SCAPER: variants seen among roughly 807,000 people sequenced by gnomAD.
SCAPER encodes S-phase cyclin A associated protein in the ER.
A neutral mutation model predicts 182.2 loss-of-function variants in SCAPER; 98 were observed. The observed-to-expected ratio is 0.54, with a 90% CI of 0.46 to 0.64. The LOEUF (loss-of-function observed/expected upper bound fraction) is 0.64. Among genes scored for constraint, SCAPER ranks in the 30% least tolerant of loss-of-function variants. The pLI, the probability that SCAPER is intolerant of heterozygous loss-of-function variation, is 0.00. For missense variants in SCAPER, 1,432 were observed against 1,690.0 expected (o/e 0.85, Z 2.68); for synonymous variants, 605 against 564.6 (o/e 1.07, Z -1.01).
At chr15:76,746,835 A>C (rs2061818617) in intron 15 of SCAPER, among the ~76,000 whole-genome samples, 1 of 152,248 alleles carries the variant, frequency 6.6e-6, no homozygotes, top group South Asian at 2.1e-4. Context: ...TGTATGTTAA[A>C]AACAAAACAA....
At chr15:76,775,425 A>C (rs2063691092) in intron 8 of SCAPER, among the ~76,000 whole-genome samples, 1 of 152,176 alleles carries the variant, frequency 6.6e-6, no homozygotes, top group Non-Finnish European at 1.5e-5. Flanking sequence ...TATATATTAT[A>C]TCTCTTTTAA....
At chr15:76,483,659 CA>C (rs1271417903) in intron 24 of SCAPER, among the ~76,000 whole-genome samples, 1 of 151,896 alleles carries the variant, frequency 6.6e-6, no homozygotes, top group Non-Finnish European at 1.5e-5. Context: ...AATACGAAGA[CA>C]AAAAATCTAG....
chr15:76,632,384 G>A (rs906119209), intron 21 of SCAPER, among the ~76,000 whole-genome samples: 3 of 151,824 alleles, frequency 2.0e-5, no homozygotes, highest in African/African-American at 7.3e-5. Flanking sequence ...TAGTAGAGAT[G>A]GGGTTTCACA....
intron 26 of SCAPER, among the ~76,000 whole-genome samples, chr15:76,418,986 C>A (rs1364698402): frequency 6.6e-6 from 1 of 152,192 alleles, no homozygotes; most frequent in Non-Finnish European, 1.5e-5. Flanking sequence ...GAGAGTCTGC[C>A]AGATAGTGTC....
intron 23 of SCAPER, among the ~76,000 whole-genome samples, chr15:76,557,675 C>A (rs770812528): frequency 1.3e-5 from 2 of 152,182 alleles, no homozygotes; most frequent in Non-Finnish European, 2.9e-5. Flanking sequence ...GAGCAGATGA[C>A]AGAATCATGC....
At chr15:76,816,444 C>T (rs1370268564) in intron 5 of SCAPER, among the ~76,000 whole-genome samples, 3 of 152,006 alleles carry the variant, frequency 2.0e-5, no homozygotes, top group Non-Finnish European at 4.4e-5. Flanking sequence ...GGATCTTCCA[C>T]CTCCACATAT....
intron 23 of SCAPER, among the ~76,000 whole-genome samples, chr15:76,513,572 C>T (rs1307748877): frequency 2.6e-5 from 4 of 152,156 alleles, no homozygotes; most frequent in Non-Finnish European, 2.9e-5. Flanking sequence ...ACTTAAAGAA[C>T]ACAGAAAGCT....
At chr15:76,554,788 C>CTT (rs71143339) in intron 23 of SCAPER, among the ~76,000 whole-genome samples, 43 of 71,156 alleles carry the variant, frequency 6.0e-4, no homozygotes, top group Middle Eastern at 0.013. Context: ...ATTCAGCATT[C>CTT]TTTTTTTTTT....
chr15:76,673,950 T>TACAC (rs1491530396), intron 20 of SCAPER, among the ~76,000 whole-genome samples: 41 of 77,064 alleles, frequency 5.3e-4, no homozygotes, highest in Middle Eastern at 6.1e-3. Flanking sequence ...ATAATTTATC[T>TACAC]ATACACACAC....
rs541092567 is a variant in SCAPER at position 76,781,185 on chromosome 15, A to C, written c.773-6068T>G. ...CTAACTAGAATGAACAGTGGAGAGA[A>C]GACTTTAAATGACCTGATAGAACTG... On this transcript the variant is annotated intron_variant, in intron 8 of 31. Coordinates refer to ENST00000563290, the MANE Select transcript of SCAPER (RefSeq NM_020843.4). Among the ~76,000 whole-genome samples, 533 of 152,336 alleles carry C rather than the reference A, an allele frequency of 3.5e-3. 3 individuals carry two copies. Among genetic ancestry groups the C allele is most frequent in the African/African-American group, 0.012 (517 of 41,578 alleles).
chr15:76,385,068 C>T (rs2043210056), intron 27 of SCAPER: 1 of 152,164 alleles, frequency 6.6e-6, no homozygotes, highest in African/African-American at 2.4e-5. Context: ...GACTAGAGAT[C>T]TTAGTGAGAT....
chr15:76,786,326 CAA>C (rs35708368), intron 8 of SCAPER, among the ~76,000 whole-genome samples: 7 of 110,996 alleles, frequency 6.3e-5, no homozygotes, highest in African/African-American at 3.6e-5. Flanking sequence ...GACTCTGTCT[CAA>C]AAAAAAAAAA....
chr15:76,480,190 G>C (rs1006660371), intron 24 of SCAPER, among the ~76,000 whole-genome samples: 1 of 152,180 alleles, frequency 6.6e-6, no homozygotes, highest in South Asian at 2.1e-4. Flanking sequence ...GTTAACACCA[G>C]AGCCCCAATG....
intron 21 of SCAPER, among the ~76,000 whole-genome samples, chr15:76,663,464 T>A (rs2056346912): frequency 6.6e-6 from 1 of 152,076 alleles, no homozygotes; most frequent in African/African-American, 2.4e-5. Context: ...ATGTCCCAGA[T>A]TGGAAACCTA....
chr15:76,417,372 T>C (rs74948323), intron 26 of SCAPER, among the ~76,000 whole-genome samples: 3 of 152,372 alleles, frequency 2.0e-5, no homozygotes, highest in South Asian at 2.1e-4. Flanking sequence ...GCAAGACAGC[T>C]TGAACACCTG....
intron 14 of SCAPER, among the ~76,000 whole-genome samples, chr15:76,763,302 G>T (rs2062907179): frequency 7.0e-6 from 1 of 142,276 alleles, no homozygotes; most frequent in African/African-American, 2.6e-5. Flanking sequence ...TTATCTCCTA[G>T]CCTGGAAGAT....
chr15:76,610,178 C>A (rs2050851856), intron 22 of SCAPER, among the ~76,000 whole-genome samples: 1 of 152,176 alleles, frequency 6.6e-6, no homozygotes, highest in Admixed American at 6.5e-5. Context: ...CCACTCCCAG[C>A]TTTCAACATC....
At chr15:76,676,293 A>C (rs561625200) in intron 20 of SCAPER, among the ~76,000 whole-genome samples, 1 of 152,302 alleles carries the variant, frequency 6.6e-6, no homozygotes, top group East Asian at 1.9e-4. Context: ...CTGGGATCAG[A>C]AAAACACAGA....
chr15:76,379,041 A>C (rs1170267383), intron 28 of SCAPER, among the ~76,000 whole-genome samples: 1 of 152,210 alleles, frequency 6.6e-6, no homozygotes, highest in Non-Finnish European at 1.5e-5. Context: ...TGTGATCAGA[A>C]ATAATTGTTT....
Sources: allele counts gnomAD v4.1 joint callset (sites outside exome capture counted in the v4.1 genomes callset), GRCh38; gene constraint gnomAD v4.1.1; transcripts MANE v1.5; gene names NCBI Gene and HGNC (gene_info 2026-07-23, HGNC 2026-07-21).